Variants in KDM4B observed in about 807,000 individuals in gnomAD.
KDM4B encodes lysine-specific demethylase 4B.
A neutral mutation model predicts 125.2 loss-of-function variants in KDM4B; 32 were observed. The observed-to-expected ratio is 0.26, with a 90% CI of 0.19 to 0.34. The LOEUF (loss-of-function observed/expected upper bound fraction) is 0.34, where lower values mean the gene tolerates loss of function less well. Ranked by LOEUF, KDM4B falls within the 10% of genes least tolerant of loss-of-function variation. The probability of loss-of-function intolerance (pLI) is 1.00; values close to 1 mark genes in which losing one functional copy is unlikely to be tolerated. For synonymous variants in KDM4B, 721 were observed against 677.9 expected (o/e 1.06, Z -0.99); for missense variants, 1,190 against 1,577.7 (o/e 0.75, Z 4.16).
chr19:5,142,227 C>T lies in KDM4B; in HGVS notation c.2551-1740C>T, dbSNP rs562322591. ...TGCCTGGGCCCTTCCAGGCCCCCCA[C>T]GGGCCGTAGACCCTGACTCCCCGGC... On this transcript the variant is annotated intron_variant, in intron 18 of 22. Coordinates refer to ENST00000159111, the MANE Select transcript of KDM4B (RefSeq NM_015015.3). This position sits in a 1 kb window ranked among gnomAD's most constrained non-coding sequence, Gnocchi z 5.4. Among the ~76,000 whole-genome samples, 2 of 152,096 alleles carry T rather than the reference C, an allele frequency of 1.3e-5. No homozygotes were observed. The highest frequency in any genetic ancestry group is 2.1e-4 in the South Asian group (1 of 4,834).
intron 1 of KDM4B, among the ~76,000 whole-genome samples, chr19:4,988,965 C>G (rs934893137): frequency 1.1e-4 from 17 of 152,218 alleles, no homozygotes; most frequent in Admixed American, 4.6e-4. Flanking sequence ...GGCTGCCAAG[C>G]CCTTAGTCAC....
intron 1 of KDM4B, among the ~76,000 whole-genome samples, chr19:4,979,311 G>A (rs1452809543): frequency 6.6e-6 from 1 of 152,168 alleles, no homozygotes; most frequent in Non-Finnish European, 1.5e-5. Context: ...CAAGCCCAGG[G>A]AAGCACAGGG....
At chr19:5,120,751 C>T (rs1223926794) in intron 11 of KDM4B, among the ~76,000 whole-genome samples, 2 of 152,142 alleles carry the variant, frequency 1.3e-5, no homozygotes, top group African/African-American at 2.4e-5. Context: ...CCAGCTAGGG[C>T]TCCCCGCTGG....
At chr19:5,120,043 C>G (rs957903756) in intron 11 of KDM4B, among the ~76,000 whole-genome samples, 191 bp downstream of exon 11, 1 of 152,330 alleles carries the variant, frequency 6.6e-6, no homozygotes, top group Admixed American at 6.5e-5. Flanking sequence ...AAAGTGCCTC[C>G]GTCCCCAGAA....
chr19:5,134,637 C>A (rs1335006621), intron 14 of KDM4B, among the ~76,000 whole-genome samples: 2 of 152,210 alleles, frequency 1.3e-5, no homozygotes, highest in East Asian at 3.8e-4. Flanking sequence ...ATGCAGCCTC[C>A]CCAGGACAGG....
intron 6 of KDM4B, among the ~76,000 whole-genome samples, chr19:5,063,976 T>C (rs2037686427): frequency 6.6e-6 from 1 of 152,182 alleles, no homozygotes; most frequent in Non-Finnish European, 1.5e-5. Flanking sequence ...AGCAGCTCTC[T>C]GTTGGGTCTC....
chr19:5,098,680 G>A (rs73919739), intron 9 of KDM4B, among the ~76,000 whole-genome samples: 2,132 of 152,182 alleles, frequency 0.014, 47 homozygotes, highest in African/African-American at 0.049. Context: ...TCTGGGAGGC[G>A]ACGAGGGCAT....
chr19:5,098,369 C>A (rs184867594), intron 9 of KDM4B, among the ~76,000 whole-genome samples: 11 of 152,310 alleles, frequency 7.2e-5, no homozygotes, highest in Admixed American at 5.9e-4. Context: ...AAGGCGTAAT[C>A]TCAGGCATTA....
chr19:5,073,019 T>TC (rs2037996733), intron 7 of KDM4B, among the ~76,000 whole-genome samples: 1 of 152,156 alleles, frequency 6.6e-6, no homozygotes, highest in African/African-American at 2.4e-5. Flanking sequence ...TAACCAACAG[T>TC]CCCTCTGCCT....
chr19:4,977,634 A>T (rs1243785399), intron 1 of KDM4B, among the ~76,000 whole-genome samples: 3 of 152,166 alleles, frequency 2.0e-5, no homozygotes, highest in Admixed American at 1.3e-4. Context: ...CCGGCCGTGG[A>T]TTCAGAATCG....
At chr19:5,103,537 G>A (rs186546904) in intron 9 of KDM4B, among the ~76,000 whole-genome samples, 1 of 152,272 alleles carries the variant, frequency 6.6e-6, no homozygotes, top group Non-Finnish European at 1.5e-5. Context: ...CTTTGGCTTG[G>A]TGTTTGGGCA....
chr19:5,021,522 G>A (rs2036119363), intron 2 of KDM4B, among the ~76,000 whole-genome samples: 1 of 152,026 alleles, frequency 6.6e-6, no homozygotes, highest in East Asian at 1.9e-4. Context: ...GCAGTGAGCT[G>A]TGATTGTGCC....
chr19:5,047,227 C>T (rs2037054384), intron 5 of KDM4B: 2 of 469,374 alleles, frequency 4.3e-6, no homozygotes, highest in South Asian at 3.3e-5. Flanking sequence ...TTACCTGAGC[C>T]TGGGAGGTTG....
chr19:5,040,265 C>A (rs1398044191), intron 4 of KDM4B, among the ~76,000 whole-genome samples: 1 of 152,106 alleles, frequency 6.6e-6, no homozygotes, highest in Non-Finnish European at 1.5e-5. Context: ...GTGTCCTGGT[C>A]CCCGGCCTGG....
intron 3 of KDM4B, among the ~76,000 whole-genome samples, chr19:5,038,371 G>C (rs2036697582): frequency 6.6e-6 from 1 of 152,240 alleles, no homozygotes; most frequent in South Asian, 2.1e-4. Context: ...GACAAGGCCA[G>C]GAGCCCAGGG....
chr19:5,050,829 G>A (rs925028097), intron 6 of KDM4B, among the ~76,000 whole-genome samples: 9 of 152,236 alleles, frequency 5.9e-5, no homozygotes, highest in Admixed American at 5.2e-4. Context: ...GAACCCAGGA[G>A]GCGGAGCTTG....
intron 2 of KDM4B, among the ~76,000 whole-genome samples, chr19:5,016,948 G>GC (rs2035910527): frequency 6.6e-6 from 1 of 152,362 alleles, no homozygotes; most frequent in Non-Finnish European, 1.5e-5. Context: ...CACCCACAGG[G>GC]CCCGGGTGAC....
chr19:5,121,578 A>T (rs529842385), intron 11 of KDM4B, among the ~76,000 whole-genome samples: 1 of 152,180 alleles, frequency 6.6e-6, no homozygotes, highest in Non-Finnish European at 1.5e-5. Flanking sequence ...GCTCCCAAAG[A>T]TGCCCCTTAT....
intron 18 of KDM4B, among the ~76,000 whole-genome samples, chr19:5,138,959 G>A (rs902200482): frequency 5.3e-5 from 8 of 152,174 alleles, no homozygotes; most frequent in African/African-American, 1.7e-4. Context: ...CTCTCACTCT[G>A]TTACCCAGGC....
Sources: gnomAD v4.1 joint callset for allele counts (sites outside exome capture counted in the v4.1 genomes callset) on GRCh38, gnomAD v4.1.1 for gene constraint, Gnocchi (gnomAD v3.1) non-coding constraint, MANE v1.5 for transcripts, NCBI Gene and HGNC (gene_info 2026-07-23, HGNC 2026-07-21) for gene names.